The following RABL6 variants were observed in gnomAD, a reference collection of about 807,000 sequenced individuals.
RABL6 encodes rab-like protein 6.
Under a neutral mutation model 72.9 loss-of-function variants are expected in RABL6, and 28 were observed. The observed-to-expected ratio is 0.38, with a 90% CI of 0.28 to 0.53. RABL6 has a LOEUF of 0.53. Among genes scored for constraint, RABL6 ranks in the 20% least tolerant of loss-of-function variants. The pLI, the probability that RABL6 is intolerant of heterozygous loss-of-function variation, is 0.80. For missense variants in RABL6, 1,029 were observed against 1,008.4 expected (o/e 1.02, Z -0.28); for synonymous variants, 477 against 421.2 (o/e 1.13, Z -1.62).
Position 136,839,192 on chromosome 9 carries a change from C to T in RABL6, c.1494-30C>T, listed in dbSNP as rs769121193. 46 of 1,594,912 alleles carry T rather than the reference C, an allele frequency of 2.9e-5. No individual in the cohort carries two copies. In the Admixed American group the frequency reaches 6.1e-4, roughly 21 times the overall value. On this transcript the variant is annotated intron_variant, in intron 11 of 14. Coordinates refer to ENST00000311502, the MANE Select transcript of RABL6 (RefSeq NM_024718.5). ...GGCAGTTCAGGACGCCTCCAGAGGA[C>T]CCTGACTGACCCTCTGCTTGTCCAC...
At position 136,828,554 on chromosome 9, in the gene RABL6, C is replaced by T. The variant is rs992322133; in HGVS notation, c.366+8C>T. The T allele has an allele frequency of 1.2e-6, 2 of 1,612,998 alleles. No individual in the cohort carries two copies. Among genetic ancestry groups the T allele is most frequent in the Admixed American group, 1.7e-5 (1 of 60,004 alleles). ...GAGAACGACCCCCAGGAGGTGAGTG[C>T]CAGGTACACAGTGGGTAGCAGTGGC... On this transcript the variant is annotated splice_region_variant and intron_variant, in intron 4 of 14. Coordinates refer to ENST00000311502, the MANE Select transcript of RABL6 (RefSeq NM_024718.5).
intron 7 of RABL6, 124 bp downstream of exon 7, chr9:136,832,494 C>G: frequency 1.2e-6 from 1 of 858,594 alleles, no homozygotes; most frequent in Non-Finnish European, 2.0e-6. Context: ...CGGAGATTGG[C>G]TGCTGGCAAG....
chr9:136,828,372 G>A, intron 3 of RABL6, 122 bp from the exon 4 acceptor site: 1 of 932,906 alleles, frequency 1.1e-6, no homozygotes, highest in East Asian at 2.6e-5. Context: ...CAGGCTGTTT[G>A]GGGTGGTGGA....
chr9:136,834,945 A>G lies in RABL6; in HGVS notation c.706-797A>G, dbSNP rs573985376. Among the ~76,000 whole-genome samples the G allele has an allele frequency of 1.9e-4, 29 of 150,860 alleles. No individual in the cohort carries two copies. In the East Asian group the frequency reaches 5.2e-3, roughly 27 times the overall value. ...ACCCTGTTCTAAAAAAAAAAAAAAA[A>G]AAAAAATCTCTGAAAAAGATGATTC... On this transcript the variant is annotated intron_variant, in intron 7 of 14. Transcript: ENST00000311502.
At position 136,834,015 on chromosome 9, in the gene RABL6, CAG is replaced by C. The variant is rs1247509216; in HGVS notation, c.705+1648_705+1649del. 1.0e-5 allele frequency: 15 copies of C among 1,486,776 alleles called. No homozygotes were observed. The East Asian group carries it at 1.5e-4, about 15-fold the overall frequency. 92.1% of individuals were successfully genotyped at this position (1,486,776 alleles called of 1,614,324 possible). On this transcript the variant is annotated intron_variant, in intron 7 of 14. Coordinates refer to ENST00000311502, the MANE Select transcript of RABL6 (RefSeq NM_024718.5). ...CCCAGGGAGAGAACGGGACCCTGGA[CAG>C]AGTCTTGAGCTGGAAGCGTAGGGCT... is the stretch of plus-strand genomic sequence containing the variant.
At chr9:136,822,848 G>A (rs931733443) in intron 1 of RABL6, among the ~76,000 whole-genome samples, 3 of 152,170 alleles carry the variant, frequency 2.0e-5, no homozygotes, top group African/African-American at 4.8e-5. Flanking sequence ...CAGCACTTTG[G>A]GAGGCCAAGG....
chr9:136,838,260 G>A lies in RABL6; in HGVS notation c.1280+245G>A, dbSNP rs1588373505. On this transcript the variant is annotated intron_variant, in intron 10 of 14. Transcript: ENST00000311502. ...CCTGGAGAGGACAGGGGCACCTTGGGGTCTTCTGTGGGCAGATGCCACATG... is the reference window on the plus strand; with the variant it reads ...CCTGGAGAGGACAGGGGCACCTTGGAGTCTTCTGTGGGCAGATGCCACATG... 2.6e-5 allele frequency among the ~76,000 whole-genome samples: 4 copies of A among 152,314 alleles called. No individual in the cohort carries two copies. In the South Asian group the frequency reaches 6.2e-4, roughly 24 times the overall value.
rs749926706 is a variant in RABL6 at position 136,839,134 on chromosome 9, G to GT, written c.1493+14dup. The GT allele has an allele frequency of 3.1e-6, 5 of 1,610,666 alleles. No homozygotes were observed. Among genetic ancestry groups the GT allele is most frequent in the Non-Finnish European group, 3.4e-6 (4 of 1,178,644 alleles). ...CAGAGACCAAGTGGTAAGGGCAGGT[G>GT]TCCCCACGGGTGCGGCCTGGAGACC... On this transcript the variant is annotated intron_variant, in intron 11 of 14. Coordinates refer to ENST00000311502, the MANE Select transcript of RABL6 (RefSeq NM_024718.5).
Position 136,840,734 on chromosome 9 carries a change from G to A in RABL6, c.*212G>A, listed in dbSNP as rs945302468. The A allele has an allele frequency of 1.3e-6, 2 of 1,548,364 alleles. No homozygotes were observed. Among genetic ancestry groups the A allele is most frequent in the African/African-American group, 2.7e-5 (2 of 72,990 alleles). ...GTGAGCCTGCTCTGCAAGAAGGGAGGGGACAGCTGGCTTCAGCCAGGCTCG... is the reference window on the plus strand; with the variant it reads ...GTGAGCCTGCTCTGCAAGAAGGGAGAGGACAGCTGGCTTCAGCCAGGCTCG... On this transcript the variant is annotated 3_prime_UTR_variant, in exon 15 of 15. Transcript: ENST00000311502.
intron 2 of RABL6, among the ~76,000 whole-genome samples, chr9:136,825,173 G>T (rs1050769854): frequency 4.6e-5 from 7 of 152,234 alleles, no homozygotes; most frequent in Non-Finnish European, 8.8e-5. Context: ...CTCTCAGGTG[G>T]CTCCGAAGGG....
intron 5 of RABL6, among the ~76,000 whole-genome samples, chr9:136,830,520 T>C (rs765452821): frequency 3.2e-4 from 49 of 152,184 alleles, no homozygotes; most frequent in Non-Finnish European, 5.6e-4. Context: ...CGAGTTCAGC[T>C]CGGGCGCACA....
intron 7 of RABL6, chr9:136,833,789 G>A (rs1421170653): frequency 2.6e-6 from 4 of 1,550,534 alleles, no homozygotes; most frequent in African/African-American, 2.7e-5. Context: ...GAGGATGCCT[G>A]CAGGCTGGGA....
rs1321908604 is a variant in RABL6, at chr9:136,838,027, G to A, written c.1280+12G>A. The A allele has an allele frequency of 1.9e-6, 3 of 1,553,508 alleles. No individual in the cohort carries two copies. The highest frequency in any genetic ancestry group is 2.4e-5 in the East Asian group (1 of 41,180). ...CAGGACAGCGACAGGTGAGGGGTGG[G>A]CCTGGGCCTCCTCTCCCATTGCCCC... On this transcript the variant is annotated intron_variant, in intron 10 of 14. Transcript: ENST00000311502.
In RABL6 at chr9:136,823,632, G is replaced by T. The variant is rs761059018; in HGVS notation, c.238G>T (p.Val80Phe). The T allele has an allele frequency of 6.2e-7, 1 of 1,612,950 alleles. No homozygotes were observed. Among genetic ancestry groups the T allele is most frequent in the South Asian group, 1.1e-5 (1 of 90,968 alleles). The change falls in exon 2 of 15, where the codon GTC becomes TTC. Residue 80 changes from valine to phenylalanine, a missense_variant. This residue lies in a region of RABL6 where 434 missense variants were observed against 536.1 expected (regional missense o/e 0.81). Transcript: ENST00000311502. ...GTACATCCCCACACAGGAGATCCAG[G>T]TCACCAGCATCCACTGGAGCTACAA... ...EEYIPTQEIQ[V>F]TSIHWSYKTT... is the part of the protein sequence containing the mutation.
rs527730372 is a variant in RABL6 at position 136,839,785 on chromosome 9, C to G, written c.1850C>G (p.Pro617Arg). The change falls in exon 13 of 15, where the codon CCC (proline) becomes CGC (arginine). Residue 617 changes from proline to arginine, a missense_variant. Pro to Arg is a moderately radical substitution (Grantham distance 103). Transcript: ENST00000311502. ...EPPPPPKLPL[P>R]AFRLKNDSDL... ...CCCCCACCCCCCAAGCTCCCTCTCC[C>G]CGCCTTCAGACTGAAGAATGACTCG... 3.8e-5 allele frequency: 61 copies of G among 1,612,760 alleles called. 1 individual carries two copies. The South Asian group carries it at 6.4e-4, about 17-fold the overall frequency.
In RABL6 at chr9:136,818,402, AAAC is replaced by A. The variant is rs1281525791; in HGVS notation, c.131-5122_131-5120del. 4.1e-4 allele frequency among the ~76,000 whole-genome samples: 13 copies of A among 32,032 alleles called. 1 individual carries two copies. The highest frequency in any genetic ancestry group is 1.3e-3 in the African/African-American group (9 of 6,846). The allele number at this position is 32,032 out of a possible 152,430, so 21.0% of individuals were successfully genotyped here. ...AAAAAAAAAAAAAAAAAAAAAAAAA[AAAC>A]CAAAGGTAAGCAAAGAAACTGGTAA... On this transcript the variant is annotated intron_variant, in intron 1 of 14. Coordinates refer to ENST00000311502, the MANE Select transcript of RABL6 (RefSeq NM_024718.5).
At chr9:136,827,227 AC>A (rs1848379531) in intron 3 of RABL6, 1 of 152,208 alleles carries the variant, frequency 6.6e-6, no homozygotes, top group Non-Finnish European at 1.5e-5. Flanking sequence ...CTCAGTGCCC[AC>A]TGTGCGAGGT....
rs1450111325 is a variant in RABL6 at position 136,840,143 on chromosome 9, T to C, written c.1931-11T>C. 18 of 1,612,944 alleles carry C rather than the reference T, an allele frequency of 1.1e-5. No individual in the cohort carries two copies. Among genetic ancestry groups the C allele is most frequent in the Non-Finnish European group, 1.1e-5 (13 of 1,179,788 alleles). On this transcript the variant is annotated splice_polypyrimidine_tract_variant and intron_variant, in intron 13 of 14. Transcript: ENST00000311502. ...CCTGAGTTTGAGCCACTGTCTGTCC[T>C]GTCTGTGCAGGTAAGGAGGGCAAAA...
Position 136,808,328 on chromosome 9 carries a change from T to A in RABL6, c.130+2T>A. On this transcript the variant is annotated splice_donor_variant, in intron 1 of 14. Transcript: ENST00000311502. LOFTEE classifies it high-confidence loss of function. ...TCGCCAAGGGGGTGCAGTACAACAG[T>A]GAGTGCGGCGGGCCGGGGGGGCGCG... 6.6e-7 allele frequency: 1 copy of A among 1,522,522 alleles called. No individual in the cohort carries two copies. The highest frequency in any genetic ancestry group is 8.8e-7 in the Non-Finnish European group (1 of 1,136,010). 94.3% of individuals were successfully genotyped at this position (1,522,522 alleles called of 1,614,324 possible). A position where few individuals can be genotyped will look rare whatever the true frequency, so the allele number is the denominator to read the frequency against.
Sources: allele counts gnomAD v4.1 joint callset (sites outside exome capture counted in the v4.1 genomes callset), GRCh38; gene constraint gnomAD v4.1.1; regional missense constraint gnomAD v4.1.1; transcripts MANE v1.5; gene names NCBI Gene and HGNC (gene_info 2026-07-23, HGNC 2026-07-21).